RNGTT: variants seen among roughly 807,000 people sequenced by gnomAD.
RNGTT encodes the protein mRNA-capping enzyme.
In RNGTT, 33 loss-of-function variants were observed where a neutral mutation model predicts 79.3. That is an observed-to-expected ratio of 0.42 (90% CI 0.32 to 0.56). RNGTT has a LOEUF of 0.56. Ranked by LOEUF, RNGTT falls within the 20% of genes least tolerant of loss-of-function variation. RNGTT has a pLI of 0.17. For synonymous variants in RNGTT, 222 were observed against 235.9 expected (o/e 0.94, Z 0.54); for missense variants, 497 against 739.1 (o/e 0.67, Z 3.80).
intron 13 of RNGTT, among the ~76,000 whole-genome samples, chr6:88,715,607 C>T (rs1393063832): frequency 1.3e-5 from 2 of 152,102 alleles, no homozygotes; most frequent in African/African-American, 4.8e-5. Flanking sequence ...AGTACTGGTA[C>T]CAAAACAGAG....
At chr6:88,817,748 C>CTTTTTTTTTTTTTTT (rs1227582021) in intron 11 of RNGTT, among the ~76,000 whole-genome samples, 1 of 99,996 alleles carries the variant, frequency 1.0e-5, no homozygotes, top group African/African-American at 3.4e-5. Flanking sequence ...CTATTCACAT[C>CTTTTTTTTTTTTTTT]ATTTTTTTTT....
chr6:88,889,904 A>G (rs1392099143), intron 8 of RNGTT, among the ~76,000 whole-genome samples: 1 of 152,174 alleles, frequency 6.6e-6, no homozygotes, highest in African/African-American at 2.4e-5. Flanking sequence ...ACTCGAGCCC[A>G]GGAGTTCAAG....
At chr6:88,960,395 C>A (rs940301286) in intron 1 of RNGTT, among the ~76,000 whole-genome samples, 3 of 152,212 alleles carry the variant, frequency 2.0e-5, no homozygotes, top group African/African-American at 7.2e-5. Context: ...AAGCTCTTTA[C>A]ATAGCAGATA....
chr6:88,740,058 A>C (rs938234732), intron 13 of RNGTT, among the ~76,000 whole-genome samples: 3 of 151,970 alleles, frequency 2.0e-5, no homozygotes, highest in Non-Finnish European at 4.4e-5. Flanking sequence ...ATTTTTCCTA[A>C]AATCACAATG....
chr6:88,643,206 GTC>G (rs1773392655), intron 14 of RNGTT, among the ~76,000 whole-genome samples: 1 of 151,764 alleles, frequency 6.6e-6, no homozygotes, highest in African/African-American at 2.4e-5. Context: ...TGTTGACCAG[GTC>G]TGAAAAAAAA....
intron 13 of RNGTT, 53 bp from the exon 14 acceptor site, chr6:88,678,472 T>A (rs577830230): frequency 3.0e-4 from 358 of 1,202,720 alleles, no homozygotes; most frequent in Non-Finnish European, 9.7e-6. Flanking sequence ...ATAAATAAGG[T>A]TGTATAATTA....
At chr6:88,941,639 T>C (rs191441850) in intron 1 of RNGTT, among the ~76,000 whole-genome samples, 19 of 151,874 alleles carry the variant, frequency 1.3e-4, no homozygotes, top group South Asian at 4.2e-4. Flanking sequence ...ATTTAAACTA[T>C]ACTTTTCAAA....
chr6:88,843,710 C>T (rs141520000), intron 11 of RNGTT, among the ~76,000 whole-genome samples: 3,774 of 150,996 alleles, frequency 0.025, 166 homozygotes, highest in African/African-American at 0.087. Context: ...AGACATGCGC[C>T]GCCACACCCG....
At chr6:88,880,664 C>G (rs1782668707) in intron 8 of RNGTT, among the ~76,000 whole-genome samples, 1 of 152,062 alleles carries the variant, frequency 6.6e-6, no homozygotes, top group African/African-American at 2.4e-5. Context: ...ATTTGTTTTA[C>G]AACAGTACTT....
At chr6:88,877,980 G>A (rs1422682343) in intron 8 of RNGTT, among the ~76,000 whole-genome samples, 2 of 152,046 alleles carry the variant, frequency 1.3e-5, no homozygotes, top group African/African-American at 4.8e-5. Context: ...TATCACCAGA[G>A]GTATGACACT....
At chr6:88,941,957 A>G (rs1179447637) in intron 1 of RNGTT, among the ~76,000 whole-genome samples, 1 of 152,182 alleles carries the variant, frequency 6.6e-6, no homozygotes, top group Non-Finnish European at 1.5e-5. Flanking sequence ...AGTAGCTGGG[A>G]CTGCAGGTGC....
chr6:88,742,986 G>A (rs189034200), intron 13 of RNGTT, among the ~76,000 whole-genome samples: 20 of 152,120 alleles, frequency 1.3e-4, no homozygotes, highest in Non-Finnish European at 2.6e-4. Flanking sequence ...GAAGAAATAG[G>A]CATTACAGGG....
At chr6:88,897,156 T>C (rs1783278649) in intron 6 of RNGTT, among the ~76,000 whole-genome samples, 1 of 152,190 alleles carries the variant, frequency 6.6e-6, no homozygotes, top group African/African-American at 2.4e-5. Context: ...CTGACCTTAC[T>C]TCCTATTCAG....
At position 88,741,219 on chromosome 6, in the gene RNGTT, G is replaced by C. The variant is rs191469664; in HGVS notation, c.1439+28555C>G. The stretch of plus-strand genomic sequence containing the variant: ...ATAGGTGCCCATCAACAGTGGATTC[G>C]ATAAAGAAAATGTGGTACACATACA... On this transcript the variant is annotated intron_variant, in intron 13 of 15. Coordinates refer to ENST00000369485, the MANE Select transcript of RNGTT (RefSeq NM_003800.5). Among the ~76,000 whole-genome samples, 45 of 152,008 alleles carry C rather than the reference G, an allele frequency of 3.0e-4. 2 individuals are homozygous for C. The highest frequency in any genetic ancestry group is 3.0e-3 in the Admixed American group (45 of 15,254).
At position 88,729,169 on chromosome 6, in the gene RNGTT, C is replaced by G. The variant is rs139096077; in HGVS notation, c.1439+40605G>C. 2.3e-3 allele frequency among the ~76,000 whole-genome samples: 343 copies of G among 152,264 alleles called. 1 individual carries two copies. The highest frequency in any genetic ancestry group is 7.8e-3 in the African/African-American group (325 of 41,544). On this transcript the variant is annotated intron_variant, in intron 13 of 15. Coordinates refer to ENST00000369485, the MANE Select transcript of RNGTT (RefSeq NM_003800.5). ...CACTAAGCTCACTTTGTGTCTCTCA[C>G]GACAGGCAGGAAACTTAGAGTTCCT...
At chr6:88,650,984 CAATGCAAG>C (rs1562171446) in intron 14 of RNGTT, among the ~76,000 whole-genome samples, 2 of 151,992 alleles carry the variant, frequency 1.3e-5, no homozygotes, top group Non-Finnish European at 2.9e-5. Context: ...CAATTATTCC[CAATGCAAG>C]AATTCTCAGC....
intron 11 of RNGTT, among the ~76,000 whole-genome samples, chr6:88,810,543 A>AG (rs771598899): frequency 3.9e-5 from 6 of 152,228 alleles, no homozygotes; most frequent in African/African-American, 7.2e-5. Flanking sequence ...CATGAAAAAA[A>AG]GGAGTTAGCA....
chr6:88,644,818 ATT>A (rs1562167141), intron 14 of RNGTT, among the ~76,000 whole-genome samples: 2 of 152,276 alleles, frequency 1.3e-5, no homozygotes, highest in Admixed American at 6.5e-5. Flanking sequence ...CATGCTAAAA[ATT>A]CTCAATAAAT....
At chr6:88,873,922 A>G (rs559496133) in intron 8 of RNGTT, among the ~76,000 whole-genome samples, 7 of 152,276 alleles carry the variant, frequency 4.6e-5, no homozygotes, top group South Asian at 2.1e-4. Flanking sequence ...AGAATTTGAA[A>G]AGCTTGCAAA....
Sources: allele counts gnomAD v4.1 joint callset (sites outside exome capture counted in the v4.1 genomes callset), GRCh38; gene constraint gnomAD v4.1.1; transcripts MANE v1.5; gene names NCBI Gene and HGNC (gene_info 2026-07-23, HGNC 2026-07-21).